RIMS2: variants seen among roughly 807,000 people sequenced by gnomAD.
RIMS2 encodes regulating synaptic membrane exocytosis protein 2.
Under a neutral mutation model 174.4 loss-of-function variants are expected in RIMS2, and 59 were observed. That is an observed-to-expected ratio of 0.34 (90% CI 0.27 to 0.42). The LOEUF is 0.42. Ranked by LOEUF, RIMS2 falls within the 10% of genes least tolerant of loss-of-function variation. The pLI is 1.00. For synonymous variants in RIMS2, 606 were observed against 572.5 expected (o/e 1.06, Z -0.84); for missense variants, 1,620 against 1,666.3 (o/e 0.97, Z 0.48).
At chr8:104,033,244 G>A (rs1190629210) in intron 19 of RIMS2, among the ~76,000 whole-genome samples, 1 of 151,720 alleles carries the variant, frequency 6.6e-6, no homozygotes, top group Non-Finnish European at 1.5e-5. Context: ...ATAGTGATTA[G>A]CTTAATATAT....
intron 19 of RIMS2, among the ~76,000 whole-genome samples, chr8:104,185,761 A>G (rs1197956888): frequency 4.6e-5 from 7 of 151,632 alleles, no homozygotes; most frequent in Admixed American, 1.3e-4. Flanking sequence ...AGAAAAGGGA[A>G]CCCTTATACA....
intron 1 of RIMS2, among the ~76,000 whole-genome samples, chr8:103,605,637 T>C (rs2095030779): frequency 6.6e-6 from 1 of 152,088 alleles, no homozygotes; most frequent in African/African-American, 2.4e-5. Context: ...TCCTGGACTC[T>C]TTTTGGTTGG....
At chr8:104,187,776 G>A (rs2136216324) in intron 19 of RIMS2, among the ~76,000 whole-genome samples, 1 of 151,736 alleles carries the variant, frequency 6.6e-6, no homozygotes, top group Non-Finnish European at 1.5e-5. Flanking sequence ...TTCTATAGTG[G>A]TAAGACCTTC....
intron 19 of RIMS2, among the ~76,000 whole-genome samples, chr8:104,026,067 T>C (rs1364108515): frequency 1.3e-5 from 2 of 152,276 alleles, no homozygotes; most frequent in African/African-American, 2.4e-5. Flanking sequence ...CGTTGAGCAA[T>C]GTATGACTGT....
chr8:103,834,683 T>TCTTTCTTC (rs2098848851), intron 3 of RIMS2, among the ~76,000 whole-genome samples: 1 of 35,716 alleles, frequency 2.8e-5, no homozygotes, highest in Non-Finnish European at 5.0e-5. Context: ...TCTTTTTCTT[T>TCTTTCTTC]CTTTCTTTCT....
At chr8:104,071,477 C>T (rs899629552) in intron 19 of RIMS2, among the ~76,000 whole-genome samples, 5 of 152,158 alleles carry the variant, frequency 3.3e-5, no homozygotes, top group African/African-American at 4.8e-5. Flanking sequence ...CTCTGTCACC[C>T]AGGCTGGAGT....
At chr8:103,638,945 C>T (rs371897886) in intron 1 of RIMS2, among the ~76,000 whole-genome samples, 137 of 151,972 alleles carry the variant, frequency 9.0e-4, no homozygotes, top group African/African-American at 3.2e-3. Context: ...TGTAAATTTG[C>T]GTGATTTTGT....
chr8:104,015,357 G>A, intron 19 of RIMS2: 2 of 645,302 alleles, frequency 3.1e-6, no homozygotes, highest in South Asian at 3.5e-5. Context: ...TTTAACCCCT[G>A]TGCTTTGGTT....
intron 19 of RIMS2, among the ~76,000 whole-genome samples, chr8:104,154,512 A>G (rs1054009110): frequency 5.9e-5 from 9 of 152,266 alleles, no homozygotes; most frequent in Non-Finnish European, 1.2e-4. Flanking sequence ...ACTGGATAGC[A>G]CAGTTAAAAA....
At chr8:104,008,485 TTGTG>T (rs150330985) in intron 17 of RIMS2, among the ~76,000 whole-genome samples, 6,736 of 148,406 alleles carry the variant, frequency 0.045, 430 homozygotes, top group African/African-American at 0.15. Context: ...TCTTATATGT[TTGTG>T]TGTGTGTGTG....
exon 2 of RIMS2, chr8:103,697,224 C>A (rs1424242926): frequency 1.2e-6 from 2 of 1,613,710 alleles, no homozygotes; most frequent in Non-Finnish European, 8.5e-7. Flanking sequence ...ATGGATGTGG[C>A]CATAACTGTT....
At chr8:103,674,623 C>A (rs2096785546) in intron 1 of RIMS2, among the ~76,000 whole-genome samples, 1 of 151,810 alleles carries the variant, frequency 6.6e-6, no homozygotes, top group South Asian at 2.1e-4. Flanking sequence ...ACATATCTTA[C>A]TTTTCTTTAT....
chr8:103,700,811 C>G (rs1320714288), intron 2 of RIMS2, among the ~76,000 whole-genome samples: 7 of 151,792 alleles, frequency 4.6e-5, no homozygotes, highest in Non-Finnish European at 8.8e-5. Context: ...TCAAGTTATT[C>G]AAGATTTGTA....
intron 3 of RIMS2, among the ~76,000 whole-genome samples, chr8:103,793,233 A>C: frequency 6.6e-6 from 1 of 152,214 alleles, no homozygotes; most frequent in East Asian, 1.9e-4. Flanking sequence ...CTTATCCACT[A>C]CGATCAAGTG....
chr8:103,961,958 A>G (rs1020593093), intron 15 of RIMS2, among the ~76,000 whole-genome samples: 1 of 152,180 alleles, frequency 6.6e-6, no homozygotes, highest in Admixed American at 6.5e-5. Context: ...ATATAAGACT[A>G]CAAAAATACT....
rs147001713 is a variant in RIMS2, at chr8:103,704,523, G to A, written c.387+7227G>A. 6.2e-3 allele frequency among the ~76,000 whole-genome samples: 936 copies of A among 152,076 alleles called. 12 individuals carry two copies. Among genetic ancestry groups the A allele is most frequent in the African/African-American group, 0.021 (886 of 41,508 alleles). ...TAGTCTCTCCTCTTCAAAACTTGTT[G>A]GCAGAGTTTGAGTAGGATTGGTATT... is the stretch of plus-strand genomic sequence containing the variant. On this transcript the variant is annotated intron_variant, in intron 2 of 23. Transcript: ENST00000504942.
intron 10 of RIMS2, among the ~76,000 whole-genome samples, chr8:103,922,399 A>G (rs2077857900): frequency 1.3e-5 from 2 of 152,122 alleles, no homozygotes; most frequent in South Asian, 2.1e-4. Flanking sequence ...TGAATTTTAT[A>G]TTGTGTTGAT....
intron 1 of RIMS2, among the ~76,000 whole-genome samples, chr8:103,612,594 C>G (rs528560890): frequency 1.2e-4 from 18 of 151,986 alleles, no homozygotes; most frequent in Admixed American, 1.3e-4. Flanking sequence ...TTTTTCCCCC[C>G]TCTAGACGGA....
intron 1 of RIMS2, among the ~76,000 whole-genome samples, chr8:103,519,453 A>G (rs958235977): frequency 6.6e-6 from 1 of 152,154 alleles, no homozygotes; most frequent in South Asian, 2.1e-4. Flanking sequence ...AATATTTCCA[A>G]TGTTTTCAAA....
Sources: allele counts gnomAD v4.1 joint callset (sites outside exome capture counted in the v4.1 genomes callset), GRCh38; gene constraint gnomAD v4.1.1; transcripts MANE v1.5; gene names NCBI Gene and HGNC (gene_info 2026-07-23, HGNC 2026-07-21).